The following GFRAL variants were observed in gnomAD, a reference collection of about 807,000 sequenced individuals.
GFRAL encodes GDNF family receptor alpha-like.
A neutral mutation model predicts 45.4 loss-of-function variants in GFRAL; 36 were observed. The ratio of observed to expected loss-of-function variants is 0.79; its 90% CI spans 0.61 to 1.05. The LOEUF (loss-of-function observed/expected upper bound fraction) is 1.05. Ranked by LOEUF, GFRAL falls within the 50% of genes least tolerant of loss-of-function variation. The probability of loss-of-function intolerance (pLI) is 0.00; values close to 1 mark genes in which losing one functional copy is unlikely to be tolerated. For missense variants in GFRAL, 507 were observed against 467.5 expected, an observed-to-expected ratio of 1.08 and a Z score of -0.78; for synonymous variants, 166 against 154.1, an observed-to-expected ratio of 1.08 and a Z score of -0.57.
intron 6 of GFRAL, among the ~76,000 whole-genome samples, chr6:55,392,484 G>T (rs913089698): frequency 6.6e-6 from 1 of 152,212 alleles, no homozygotes; most frequent in Non-Finnish European, 1.5e-5. Flanking sequence ...CTGCTGTAAT[G>T]GGTCTCCTGA....
At chr6:55,329,473 A>G (rs1353947256) in intron 1 of GFRAL, among the ~76,000 whole-genome samples, 1 of 152,156 alleles carries the variant, frequency 6.6e-6, no homozygotes, top group Non-Finnish European at 1.5e-5. Flanking sequence ...TTCACAAGAT[A>G]TAATGATTAA....
At chr6:55,339,561 A>T (rs1437732432) in intron 3 of GFRAL, among the ~76,000 whole-genome samples, 1 of 152,206 alleles carries the variant, frequency 6.6e-6, no homozygotes, top group Non-Finnish European at 1.5e-5. Flanking sequence ...TGAAGAAACC[A>T]AAAAGAAGTT....
intron 6 of GFRAL, among the ~76,000 whole-genome samples, chr6:55,386,527 G>A (rs75071655): frequency 0.065 from 9,842 of 151,958 alleles, 411 homozygotes; most frequent in African/African-American, 0.11. Flanking sequence ...TTTAATTTGG[G>A]CAACTTAAAA....
At chr6:55,393,221 A>G (rs574848183) in intron 6 of GFRAL, among the ~76,000 whole-genome samples, 1 of 152,330 alleles carries the variant, frequency 6.6e-6, no homozygotes, top group Admixed American at 6.5e-5. Context: ...TCCCCTGGAG[A>G]AAGTAAATTT....
intron 3 of GFRAL, among the ~76,000 whole-genome samples, chr6:55,340,770 C>A (rs1767952626): frequency 6.6e-6 from 1 of 152,192 alleles, no homozygotes; most frequent in South Asian, 2.1e-4. Flanking sequence ...ATTCCCTTTA[C>A]TAGCCAAGGG....
Position 55,401,959 on chromosome 6 carries a change from CCTCT to C in GFRAL, c.*109_*112del, listed in dbSNP as rs981794064. 1.5e-6 allele frequency: 1 copy of C among 655,298 alleles called. No homozygotes were observed. The highest frequency in any genetic ancestry group is 3.2e-5 in the Admixed American group (1 of 31,176). The allele number at this position is 655,298 out of a possible 1,614,324, so 40.6% of individuals were successfully genotyped here. The stretch of plus-strand genomic sequence containing the variant: ...CCTCTCTTCTCCTCTCCTCCCCTCC[CCTCT>C]CTGTTTCTTTTTCTTTTTCTTTTCT... On this transcript the variant is annotated 3_prime_UTR_variant, in exon 9 of 9. Transcript: ENST00000340465.
At chr6:55,327,995 A>G (rs1241721279) in intron 1 of GFRAL, among the ~76,000 whole-genome samples, 1 of 152,042 alleles carries the variant, frequency 6.6e-6, no homozygotes. Flanking sequence ...TTGAAATTAA[A>G]CAAAAATAAG....
chr6:55,367,894 T>G (rs888645791), intron 6 of GFRAL, among the ~76,000 whole-genome samples: 2 of 150,710 alleles, frequency 1.3e-5, no homozygotes, highest in Non-Finnish European at 3.0e-5. Context: ...TCATTTCAAC[T>G]TTGGTGAATC....
intron 3 of GFRAL, among the ~76,000 whole-genome samples, chr6:55,335,770 T>G (rs762826693): frequency 2.6e-5 from 4 of 152,184 alleles, no homozygotes; most frequent in Non-Finnish European, 4.4e-5. Flanking sequence ...TTCCATTGAG[T>G]TAATTCTGTA....
At chr6:55,390,916 A>G (rs899532216) in intron 6 of GFRAL, among the ~76,000 whole-genome samples, 1 of 151,274 alleles carries the variant, frequency 6.6e-6, no homozygotes, top group African/African-American at 2.4e-5. Flanking sequence ...ACACACACAC[A>G]CACACACACA....
intron 3 of GFRAL, among the ~76,000 whole-genome samples, chr6:55,348,502 C>T (rs1768074202): frequency 6.6e-6 from 1 of 152,026 alleles, no homozygotes; most frequent in Admixed American, 6.6e-5. Context: ...TATTTTTCCC[C>T]AGTTCCGGAT....
chr6:55,383,347 A>G (rs1768637343), intron 6 of GFRAL, among the ~76,000 whole-genome samples: 1 of 152,026 alleles, frequency 6.6e-6, no homozygotes. Flanking sequence ...CTCATATACA[A>G]TTATGCACTG....
intron 6 of GFRAL, among the ~76,000 whole-genome samples, chr6:55,387,774 C>T (rs1396771924): frequency 6.6e-6 from 1 of 152,126 alleles, no homozygotes; most frequent in African/African-American, 2.4e-5. Context: ...TACAACATTG[C>T]AAACATCAAT....
At chr6:55,343,850 C>T (rs58228442) in intron 3 of GFRAL, among the ~76,000 whole-genome samples, 6,212 of 152,080 alleles carry the variant, frequency 0.041, 798 homozygotes, top group East Asian at 0.34. Context: ...GGGGATATCA[C>T]CATTTAATAC....
chr6:55,332,428 T>C (rs932016718), intron 2 of GFRAL, among the ~76,000 whole-genome samples: 22 of 151,986 alleles, frequency 1.4e-4, no homozygotes, highest in African/African-American at 5.1e-4. Context: ...TTTTCTTTTT[T>C]TTTTTATTTT....
intron 5 of GFRAL, among the ~76,000 whole-genome samples, chr6:55,354,853 C>T (rs1375563694): frequency 1.3e-5 from 2 of 151,872 alleles, no homozygotes; most frequent in African/African-American, 4.8e-5. Context: ...TCACGATGGG[C>T]TTTGAAATTC....
chr6:55,383,992 A>T (rs1205930934), intron 6 of GFRAL, among the ~76,000 whole-genome samples: 1 of 152,064 alleles, frequency 6.6e-6, no homozygotes, highest in Admixed American at 6.6e-5. Context: ...AGTTCCTTTG[A>T]GATACCATCC....
chr6:55,351,142 C>T (rs529873459), intron 4 of GFRAL, 111 bp from the exon 5 acceptor site: 2 of 748,072 alleles, frequency 2.7e-6, no homozygotes, highest in African/African-American at 1.7e-5. Flanking sequence ...AAAAATAGGA[C>T]ATTGGTACAT....
chr6:55,381,498 C>G (rs968490006), intron 6 of GFRAL, among the ~76,000 whole-genome samples: 6 of 151,844 alleles, frequency 4.0e-5, no homozygotes, highest in African/African-American at 1.5e-4. Context: ...TCTGTCTACT[C>G]CCAGTGAAGG....
Sources: gnomAD v4.1 joint callset for allele counts (sites outside exome capture counted in the v4.1 genomes callset) on GRCh38, gnomAD v4.1.1 for gene constraint, MANE v1.5 for transcripts, NCBI Gene and HGNC (gene_info 2026-07-23, HGNC 2026-07-21) for gene names.